Variants in EPHB1 observed in about 807,000 individuals in gnomAD.
EPHB1 encodes EPH receptor B1, also known as ephrin type-B receptor 1.
Under a neutral mutation model 94.4 loss-of-function variants are expected in EPHB1, and 30 were observed. The observed-to-expected ratio is 0.32, with a 90% CI of 0.24 to 0.43. The LOEUF is 0.43. EPHB1 is among the 20% of genes least tolerant of loss of function. The probability of loss-of-function intolerance (pLI) is 1.00; values close to 1 mark genes in which losing one functional copy is unlikely to be tolerated. For synonymous variants in EPHB1, 522 were observed against 489.1 expected (o/e 1.07, Z -0.89); for missense variants, 1,055 against 1,308.3 (o/e 0.81, Z 2.99).
At chr3:135,125,681 C>A (rs1438011402) in intron 4 of EPHB1, among the ~76,000 whole-genome samples, 1 of 63,740 alleles carries the variant, frequency 1.6e-5, no homozygotes, top group Non-Finnish European at 2.9e-5. Flanking sequence ...AAGCTGAATT[C>A]ATGTTTATTT....
At chr3:135,006,998 A>G (rs1576311909) in intron 3 of EPHB1, among the ~76,000 whole-genome samples, 1 of 152,276 alleles carries the variant, frequency 6.6e-6, no homozygotes, top group African/African-American at 2.4e-5. Context: ...TGGAGGTGAG[A>G]CCCAATGGAT....
intron 1 of EPHB1, among the ~76,000 whole-genome samples, chr3:134,870,643 A>G (rs557254261): frequency 6.6e-6 from 1 of 152,392 alleles, no homozygotes; most frequent in Admixed American, 6.5e-5. Context: ...CCTGATATCA[A>G]CTGTGACATG....
chr3:135,110,274 A>G (rs562026274), intron 4 of EPHB1, among the ~76,000 whole-genome samples: 1 of 152,308 alleles, frequency 6.6e-6, no homozygotes, highest in South Asian at 2.1e-4. Context: ...TTCTTCTTCA[A>G]ATGCAATGGG....
At chr3:135,106,007 T>G (rs115897213) in intron 3 of EPHB1, among the ~76,000 whole-genome samples, 7,590 of 152,226 alleles carry the variant, frequency 0.05, 275 homozygotes, top group Middle Eastern at 0.078. Flanking sequence ...CAACATGTCA[T>G]TGAAAAACCT....
At chr3:134,809,321 C>G (rs1362587378) in intron 1 of EPHB1, among the ~76,000 whole-genome samples, 1 of 152,040 alleles carries the variant, frequency 6.6e-6, no homozygotes, top group African/African-American at 2.4e-5. Context: ...AACTTCCCTG[C>G]TCTTGGCTCC....
chr3:135,121,188 C>T (rs937891453), intron 4 of EPHB1, among the ~76,000 whole-genome samples: 1 of 152,184 alleles, frequency 6.6e-6, no homozygotes, highest in Non-Finnish European at 1.5e-5. Flanking sequence ...AGCTGAGATC[C>T]TTTACCTGCA....
At chr3:134,941,748 C>CACAG (rs1273237173) in intron 2 of EPHB1, among the ~76,000 whole-genome samples, 1 of 114,270 alleles carries the variant, frequency 8.8e-6, no homozygotes, top group African/African-American at 3.5e-5. Context: ...TACATATGCA[C>CACAG]ACAGACACAC....
intron 13 of EPHB1, among the ~76,000 whole-genome samples, chr3:135,247,185 C>G (rs954325708): frequency 1.3e-5 from 2 of 152,160 alleles, no homozygotes; most frequent in Non-Finnish European, 2.9e-5. Context: ...GAAAAATATT[C>G]AGGTTTCTGC....
intron 10 of EPHB1, among the ~76,000 whole-genome samples, chr3:135,183,858 A>C (rs9854187): frequency 0.12 from 17,781 of 152,214 alleles, 1,457 homozygotes; most frequent in East Asian, 0.23. Flanking sequence ...AGGCTGCTAT[A>C]TGAATTTTAT....
intron 2 of EPHB1, among the ~76,000 whole-genome samples, chr3:134,941,752 GACACAC>G (rs3067391): frequency 0.17 from 23,051 of 134,606 alleles, 2,086 homozygotes; most frequent in Middle Eastern, 0.31. Flanking sequence ...TATGCACACA[GACACAC>G]ACACACACAC....
intron 1 of EPHB1, among the ~76,000 whole-genome samples, chr3:134,889,059 A>G (rs893822397): frequency 6.2e-4 from 94 of 152,224 alleles, no homozygotes; most frequent in Non-Finnish European, 2.5e-4. Flanking sequence ...AGAAATTTAG[A>G]TTTTCTGCTC....
chr3:135,055,326 A>G (rs1937317409), intron 3 of EPHB1, among the ~76,000 whole-genome samples: 3 of 152,210 alleles, frequency 2.0e-5, no homozygotes, highest in African/African-American at 7.2e-5. Flanking sequence ...AAGACACTCG[A>G]TCATAACACC....
At chr3:135,119,484 G>A (rs1386514286) in intron 4 of EPHB1, among the ~76,000 whole-genome samples, 7 of 151,184 alleles carry the variant, frequency 4.6e-5, no homozygotes, top group African/African-American at 1.5e-4. Flanking sequence ...TCAGAGTCTC[G>A]CTGTGTTGCC....
At chr3:135,052,957 G>A (rs1180248598) in intron 3 of EPHB1, among the ~76,000 whole-genome samples, 1 of 110,968 alleles carries the variant, frequency 9.0e-6, no homozygotes, top group South Asian at 3.1e-4. Flanking sequence ...ATATATATAT[G>A]TGTGTATATA....
chr3:135,168,567 G>A (rs1341463281), intron 9 of EPHB1, among the ~76,000 whole-genome samples: 2 of 152,172 alleles, frequency 1.3e-5, no homozygotes. Context: ...TCCCCAACTG[G>A]AAAACAGGGA....
At chr3:134,904,294 C>T (rs2038270693) in intron 1 of EPHB1, among the ~76,000 whole-genome samples, 1 of 152,236 alleles carries the variant, frequency 6.6e-6, no homozygotes, top group Non-Finnish European at 1.5e-5. Flanking sequence ...TAATTTTGTG[C>T]ATGAATGAGT....
intron 3 of EPHB1, among the ~76,000 whole-genome samples, chr3:135,096,436 C>T (rs151184549): frequency 2.6e-3 from 391 of 152,318 alleles, no homozygotes; most frequent in African/African-American, 8.7e-3. Context: ...TACTGAGTCA[C>T]ATCTCCAGAT....
chr3:134,958,440 G>A (rs922366126), intron 3 of EPHB1, among the ~76,000 whole-genome samples: 2 of 151,790 alleles, frequency 1.3e-5, no homozygotes, highest in Admixed American at 6.6e-5. Flanking sequence ...GTGTGTGTGT[G>A]TGTGTGTGTG....
intron 1 of EPHB1, among the ~76,000 whole-genome samples, chr3:134,805,639 C>G (rs980699688): frequency 1.3e-5 from 2 of 152,164 alleles, no homozygotes; most frequent in Non-Finnish European, 2.9e-5. Context: ...TGCACATGCC[C>G]TGGGCATCTC....
Sources: allele counts gnomAD v4.1 joint callset (sites outside exome capture counted in the v4.1 genomes callset), GRCh38; gene constraint gnomAD v4.1.1; transcripts MANE v1.5; gene names NCBI Gene and HGNC (gene_info 2026-07-23, HGNC 2026-07-21).